The following BLTP3B variants were observed in gnomAD, a reference collection of about 807,000 sequenced individuals.
The protein encoded by BLTP3B is UHRF1 (ICBP90) binding protein 1-like.
At chr12:100,051,393 T>C in the BLTP3B span, 2 of 524,324 alleles carry the variant, frequency 3.8e-6, no homozygotes, top group Non-Finnish European at 6.3e-6. Context: ...AAACAATGAA[T>C]GTGCTATAAT....
chr12:100,080,395 C>G, the BLTP3B span, among the ~76,000 whole-genome samples: 2 of 151,616 alleles, frequency 1.3e-5, no homozygotes, highest in African/African-American at 2.4e-5. Flanking sequence ...CTCTGTTGCC[C>G]AGGCTGGAGC....
chr12:100,062,134 T>C, the BLTP3B span, among the ~76,000 whole-genome samples: 6 of 152,344 alleles, frequency 3.9e-5, no homozygotes, highest in East Asian at 1.9e-4. Flanking sequence ...ATAATCCTGC[T>C]GAAGTCTTCA....
chr12:100,087,331 TACTA>T, the BLTP3B span, among the ~76,000 whole-genome samples: 1,505 of 151,846 alleles, frequency 9.9e-3, 34 homozygotes, highest in African/African-American at 0.034. Context: ...GAAAGAAAAA[TACTA>T]ACTGAGACAT....
At chr12:100,141,609 G>A in the BLTP3B span, among the ~76,000 whole-genome samples, 1 of 152,050 alleles carries the variant, frequency 6.6e-6, no homozygotes, top group African/African-American at 2.4e-5. Context: ...CAAGAATTAT[G>A]TTTACTATAC....
chr12:100,044,871 T>A, the BLTP3B span, among the ~76,000 whole-genome samples: 1 of 152,212 alleles, frequency 6.6e-6, no homozygotes, highest in Non-Finnish European at 1.5e-5. Context: ...GCCCAAAATC[T>A]CCTTAAGCTG....
At chr12:100,083,197 T>C in the BLTP3B span, 1 of 1,182,872 alleles carries the variant, frequency 8.5e-7, no homozygotes, top group Non-Finnish European at 1.3e-6. Context: ...CACTCTTTTA[T>C]TATTAAGGCA....
the BLTP3B span, among the ~76,000 whole-genome samples, chr12:100,049,289 C>T: frequency 6.6e-6 from 1 of 152,162 alleles, no homozygotes; most frequent in Non-Finnish European, 1.5e-5. Flanking sequence ...GAAGCTGTTT[C>T]AGTTTCTGAG....
the BLTP3B span, among the ~76,000 whole-genome samples, chr12:100,040,454 G>A: frequency 6.6e-6 from 1 of 152,182 alleles, no homozygotes; most frequent in Admixed American, 6.5e-5. Context: ...GGCCAAGACG[G>A]GTGGATCACC....
the BLTP3B span, among the ~76,000 whole-genome samples, chr12:100,041,477 G>A: frequency 9.6e-5 from 12 of 125,374 alleles, no homozygotes; most frequent in African/African-American, 3.9e-4. Flanking sequence ...TCACTCTGTC[G>A]CCAGGCTGGA....
chr12:100,042,828 C>A, the BLTP3B span, among the ~76,000 whole-genome samples: 2 of 152,210 alleles, frequency 1.3e-5, no homozygotes, highest in Admixed American at 6.5e-5. Flanking sequence ...GAGATGGATT[C>A]TTGCTCTGTT....
At chr12:100,084,319 C>A in the BLTP3B span, among the ~76,000 whole-genome samples, 4 of 151,232 alleles carry the variant, frequency 2.6e-5, no homozygotes, top group Non-Finnish European at 4.4e-5. Context: ...CATAGCAAGA[C>A]CCCCATCTCT....
chr12:100,092,750 T>C, the BLTP3B span: 1 of 210,784 alleles, frequency 4.7e-6, no homozygotes, highest in East Asian at 1.8e-4. Context: ...TAACTACGAC[T>C]GCCATCTCTG....
the BLTP3B span, among the ~76,000 whole-genome samples, chr12:100,084,181 C>A: frequency 2.5e-3 from 381 of 151,078 alleles, 2 homozygotes; most frequent in African/African-American, 8.7e-3. Context: ...AGAGTGAGAC[C>A]CTGTCTCAAA....
At chr12:100,059,109 G>C in the BLTP3B span, 1 of 1,614,088 alleles carries the variant, frequency 6.2e-7, no homozygotes, top group Non-Finnish European at 8.5e-7. Flanking sequence ...AATGGAAAGA[G>C]GGAATGAGTC....
chr12:100,048,870 G>A, the BLTP3B span, among the ~76,000 whole-genome samples: 1 of 151,412 alleles, frequency 6.6e-6, no homozygotes, highest in Non-Finnish European at 1.5e-5. Flanking sequence ...AGATGGCCTA[G>A]AGAGGTATAA....
chr12:100,090,413 G>C, the BLTP3B span, among the ~76,000 whole-genome samples: 1 of 151,846 alleles, frequency 6.6e-6, no homozygotes, highest in Non-Finnish European at 1.5e-5. Flanking sequence ...AAGATTATCT[G>C]ACATATGAGC....
the BLTP3B span, chr12:100,039,637 C>T: frequency 6.2e-7 from 1 of 1,613,790 alleles, no homozygotes; most frequent in Non-Finnish European, 8.5e-7. Context: ...GGAAAGTTAG[C>T]TGACTGAGAA....
chr12:100,072,224 T>C, the BLTP3B span, among the ~76,000 whole-genome samples: 9 of 151,734 alleles, frequency 5.9e-5, no homozygotes, highest in African/African-American at 2.2e-4. Flanking sequence ...ATCGTGCCAC[T>C]GCACTCCAGC....
chr12:100,051,242 A>G, the BLTP3B span: 1 of 1,604,206 alleles, frequency 6.2e-7, no homozygotes, highest in Non-Finnish European at 8.5e-7. Context: ...ACAAAAGTAA[A>G]TTAATAAATT....
Sources: gnomAD v4.1 joint callset for allele counts (sites outside exome capture counted in the v4.1 genomes callset) on GRCh38, gnomAD v4.1.1 for gene constraint, MANE v1.5 for transcripts, NCBI Gene and HGNC (gene_info 2026-07-23, HGNC 2026-07-21) for gene names.